Variants in LSM14A observed in about 807,000 individuals in gnomAD.
LSM14A encodes protein LSM14 homolog A.
In LSM14A, 14 loss-of-function variants were observed where a neutral mutation model predicts 52.4. The observed-to-expected ratio is 0.27, with a 90% confidence interval of 0.18 to 0.42. The LOEUF is 0.42. LSM14A is among the 10% of genes least tolerant of loss of function. The pLI is 1.00. For missense variants in LSM14A, 417 were observed against 581.8 expected, an observed-to-expected ratio of 0.72 and a Z score of 2.91; for synonymous variants, 185 against 200.3, an observed-to-expected ratio of 0.92 and a Z score of 0.64.
At chr19:34,178,449 A>G (rs1041337118) in intron 1 of LSM14A, among the ~76,000 whole-genome samples, 1 of 152,210 alleles carries the variant, frequency 6.6e-6, no homozygotes, top group Non-Finnish European at 1.5e-5. Flanking sequence ...ATGTTTATAG[A>G]TGATCTGTGT....
chr19:34,227,333 G>T (rs745837070), intron 9 of LSM14A, 32 bp from the exon 10 acceptor site: 1 of 1,506,066 alleles, frequency 6.6e-7, no homozygotes, highest in South Asian at 1.2e-5. Flanking sequence ...CAATAATTTG[G>T]AACATGAGCT....
chr19:34,204,284 A>G (rs2071522807), intron 3 of LSM14A, among the ~76,000 whole-genome samples: 1 of 152,252 alleles, frequency 6.6e-6, no homozygotes, highest in Non-Finnish European at 1.5e-5. Context: ...CATACATGGT[A>G]TATTGTTAAA....
intron 9 of LSM14A, among the ~76,000 whole-genome samples, chr19:34,224,467 C>T (rs920154746): frequency 3.3e-5 from 5 of 152,202 alleles, no homozygotes; most frequent in African/African-American, 1.2e-4. Context: ...ACATATATTG[C>T]AGAATTGAAA....
chr19:34,183,129 A>G (rs1468248958), intron 1 of LSM14A, among the ~76,000 whole-genome samples: 1 of 152,242 alleles, frequency 6.6e-6, no homozygotes, highest in Non-Finnish European at 1.5e-5. Context: ...AAGAATGCCC[A>G]ACTGAAAGCA....
rs545651987 is a variant in LSM14A at position 34,226,110 on chromosome 19, G to C, written c.1369-1255G>C. On this transcript the variant is annotated intron_variant, in intron 9 of 9. Coordinates refer to ENST00000544216, the MANE Select transcript of LSM14A (RefSeq NM_015578.4). ...ATATAACCTTATGGTAAGTTTGGTT[G>C]TATGGTGTTTTCCCCCTCCCACCGC... is the stretch of plus-strand genomic sequence containing the variant. Among the ~76,000 whole-genome samples, 14 of 152,008 alleles carry C rather than the reference G, an allele frequency of 9.2e-5. No individual in the cohort carries two copies. In the South Asian group the frequency reaches 2.9e-3, roughly 32 times the overall value.
chr19:34,215,807 A>G (rs1244298210), intron 6 of LSM14A, 146 bp downstream of exon 6: 1 of 627,260 alleles, frequency 1.6e-6, no homozygotes, highest in African/African-American at 1.8e-5. Context: ...CTGTGGTGAC[A>G]GAACAGTCCT....
In LSM14A at chr19:34,228,668, A is replaced by G. The variant is rs989830800; in HGVS notation, c.*1280A>G. The stretch of plus-strand genomic sequence containing the variant: ...AAGCTCTAGTGGGAAAAATCTGGCC[A>G]CTTTTGTGTTTTTATGAAGGCCATG... On this transcript the variant is annotated 3_prime_UTR_variant, in exon 10 of 10. Coordinates refer to ENST00000544216, the MANE Select transcript of LSM14A (RefSeq NM_015578.4). The G allele has an allele frequency of 6.6e-6, 1 of 152,652 alleles. No individual in the cohort carries two copies. Among genetic ancestry groups the G allele is most frequent in the Admixed American group, 6.5e-5 (1 of 15,284 alleles). 9.5% of individuals were successfully genotyped at this position (152,652 alleles called of 1,614,324 possible).
intron 1 of LSM14A, among the ~76,000 whole-genome samples, chr19:34,189,880 C>G (rs1406759514): frequency 2.0e-5 from 3 of 152,080 alleles, no homozygotes; most frequent in African/African-American, 7.2e-5. Flanking sequence ...AGAACTTTCC[C>G]TTTAAAAACA....
intron 4 of LSM14A, among the ~76,000 whole-genome samples, chr19:34,210,263 ATTTTTTTCTTTT>A (rs1048351493): frequency 6.6e-6 from 1 of 151,312 alleles, no homozygotes; most frequent in African/African-American, 2.4e-5. Context: ...GATTAGCTTA[ATTTTTTTCTTTT>A]TTTTTTTCTT....
intron 2 of LSM14A, 39 bp from the exon 3 acceptor site, chr19:34,196,595 G>T: frequency 3.2e-6 from 5 of 1,548,768 alleles, no homozygotes; most frequent in South Asian, 1.3e-5. Context: ...TATACATGTT[G>T]CTTAGAGCTT....
intron 1 of LSM14A, among the ~76,000 whole-genome samples, chr19:34,184,117 G>A (rs1482978052): frequency 2.0e-5 from 3 of 149,272 alleles, no homozygotes; most frequent in South Asian, 2.1e-4. Context: ...GTGCAATGGC[G>A]CAATCTTGGC....
intron 1 of LSM14A, among the ~76,000 whole-genome samples, chr19:34,182,050 T>C (rs2069519234): frequency 6.6e-6 from 1 of 152,132 alleles, no homozygotes; most frequent in Non-Finnish European, 1.5e-5. Context: ...GCTTTCAAAC[T>C]AGATGCAGAA....
In LSM14A at chr19:34,200,682, A is replaced by G. The variant is rs527448887; in HGVS notation, c.415+3919A>G. 2.6e-5 allele frequency among the ~76,000 whole-genome samples: 4 copies of G among 152,340 alleles called. No individual in the cohort carries two copies. The East Asian group carries it at 7.7e-4, about 29-fold the overall frequency. Reference sequence around the variant, plus strand: ...GGTTTGACATTTTTCATAATTAAAAATTAATTCCTTTTAGACTTACTTTAG... The same window carrying G: ...GGTTTGACATTTTTCATAATTAAAAGTTAATTCCTTTTAGACTTACTTTAG... On this transcript the variant is annotated intron_variant, in intron 3 of 9. Coordinates refer to ENST00000544216, the MANE Select transcript of LSM14A (RefSeq NM_015578.4).
chr19:34,211,448 A>G (rs922310599), intron 4 of LSM14A, among the ~76,000 whole-genome samples: 1 of 152,150 alleles, frequency 6.6e-6, no homozygotes, highest in African/African-American at 2.4e-5. Flanking sequence ...ACCAACTTCT[A>G]TGATAAATAA....
At chr19:34,187,281 T>A (rs1402693467) in intron 1 of LSM14A, among the ~76,000 whole-genome samples, 4 of 142,550 alleles carry the variant, frequency 2.8e-5, no homozygotes, top group African/African-American at 5.1e-5. Flanking sequence ...CTTTGGGAAA[T>A]TTTTTTTTTT....
chr19:34,190,535 G>T (rs1366350428), intron 1 of LSM14A, among the ~76,000 whole-genome samples: 1 of 146,342 alleles, frequency 6.8e-6, no homozygotes, highest in East Asian at 2.0e-4. Context: ...TTATCAACTA[G>T]CCAAAAAAAA....
chr19:34,172,692 A>G lies in LSM14A; in HGVS notation c.50A>G (p.Lys17Arg). 1 of 1,581,204 alleles carries G rather than the reference A, an allele frequency of 6.3e-7. No individual in the cohort carries two copies. The highest frequency in any genetic ancestry group is 8.6e-7 in the Non-Finnish European group (1 of 1,165,246). ...GGCAGCAAGATCAGCCTCATCTCCA[A>G]GGCGGAGATCCGCTACGAGGGCATC... ...YIGSKISLIS[K>R]AEIRYEGILY... The change falls in exon 1 of 10, where the codon AAG becomes AGG. Residue 17 changes from lysine (K) to arginine (R), a missense_variant. Physicochemically the swap from Lys to Arg is conservative, Grantham distance 26. Transcript: ENST00000544216.
chr19:34,176,534 A>G (rs937732200), intron 1 of LSM14A, among the ~76,000 whole-genome samples: 1 of 152,218 alleles, frequency 6.6e-6, no homozygotes, highest in African/African-American at 2.4e-5. Flanking sequence ...ATAAGTTTAC[A>G]TCTCTAAATA....
At chr19:34,180,335 T>A (rs1302828811) in intron 1 of LSM14A, among the ~76,000 whole-genome samples, 1 of 152,164 alleles carries the variant, frequency 6.6e-6, no homozygotes, top group East Asian at 1.9e-4. Context: ...TGGAAGAAAA[T>A]GCGACCCAAA....
Sources: allele counts gnomAD v4.1 joint callset (sites outside exome capture counted in the v4.1 genomes callset), GRCh38; gene constraint gnomAD v4.1.1; transcripts MANE v1.5; gene names NCBI Gene and HGNC (gene_info 2026-07-23, HGNC 2026-07-21).